KPNA6: variants seen among roughly 807,000 people sequenced by gnomAD.
KPNA6 encodes importin subunit alpha-7.
KPNA6 carries 9 observed loss-of-function variants against 72.0 expected under a neutral mutation model. The ratio of observed to expected loss-of-function variants is 0.13; its 90% confidence interval spans 0.08 to 0.22. The LOEUF is 0.22. Among genes scored for constraint, KPNA6 ranks in the 10% least tolerant of loss-of-function variants. The pLI is 1.00. For missense variants in KPNA6, 374 were observed against 655.7 expected, an observed-to-expected ratio of 0.57 and a Z score of 4.69; for synonymous variants, 219 against 242.1, an observed-to-expected ratio of 0.90 and a Z score of 0.89.
Position 32,156,973 on chromosome 1 carries a change from G to T in KPNA6, c.231+28G>T. The T allele has an allele frequency of 1.9e-6, 3 of 1,541,338 alleles. No homozygotes were observed. The South Asian group carries it at 3.4e-5, about 18-fold the overall frequency. On this transcript the variant is annotated intron_variant, in intron 3 of 13. Transcript: ENST00000373625. ...AAGGCCCCTGCATGTGCCTCAGGCTGACCTGGAAAACACCTGCTTCTAAGG... is the reference window on the plus strand; with the variant it reads ...AAGGCCCCTGCATGTGCCTCAGGCTTACCTGGAAAACACCTGCTTCTAAGG...
At chr1:32,124,626 C>T (rs140666439) in intron 1 of KPNA6, among the ~76,000 whole-genome samples, 17 of 151,776 alleles carry the variant, frequency 1.1e-4, no homozygotes, top group Non-Finnish European at 2.2e-4. Flanking sequence ...CCTGCCTCAA[C>T]CTCCTGAGTA....
chr1:32,152,438 C>T (rs144721009), intron 1 of KPNA6, among the ~76,000 whole-genome samples: 154 of 152,328 alleles, frequency 1.0e-3, no homozygotes, highest in African/African-American at 3.5e-3. Context: ...CTCAAGCACA[C>T]ATGGGACACT....
At chr1:32,153,837 TA>T (rs1642084607) in intron 1 of KPNA6, among the ~76,000 whole-genome samples, 1 of 152,114 alleles carries the variant, frequency 6.6e-6, no homozygotes, top group Non-Finnish European at 1.5e-5. Flanking sequence ...TACAACTGAG[TA>T]ATTCACTGCT....
intron 1 of KPNA6, among the ~76,000 whole-genome samples, chr1:32,130,788 T>C (rs748264978): frequency 2.0e-4 from 30 of 151,496 alleles, no homozygotes; most frequent in African/African-American, 6.5e-4. Flanking sequence ...GTCACAGGCA[T>C]CTCAAAGAAG....
chr1:32,131,167 G>A (rs150267518), intron 1 of KPNA6, among the ~76,000 whole-genome samples: 105 of 152,236 alleles, frequency 6.9e-4, no homozygotes, highest in East Asian at 6.8e-3. Context: ...GGTGGCGGGC[G>A]TCTGTAATCC....
At chr1:32,127,431 C>CT (rs1413147682) in intron 1 of KPNA6, among the ~76,000 whole-genome samples, 3 of 152,230 alleles carry the variant, frequency 2.0e-5, no homozygotes, top group African/African-American at 7.2e-5. Flanking sequence ...CCTCCTAAAT[C>CT]TAACTCCCTC....
intron 4 of KPNA6, among the ~76,000 whole-genome samples, chr1:32,157,993 TA>T (rs1417610266): frequency 6.6e-6 from 1 of 152,206 alleles, no homozygotes; most frequent in African/African-American, 2.4e-5. Flanking sequence ...GTTCATCCCT[TA>T]GGTGGTTCTC....
intron 1 of KPNA6, among the ~76,000 whole-genome samples, chr1:32,111,617 G>A (rs1040846389): frequency 6.6e-6 from 1 of 152,128 alleles, no homozygotes; most frequent in African/African-American, 2.4e-5. Context: ...GAGAAGATTA[G>A]GTGACTAGTC....
At chr1:32,153,247 C>T (rs1161886545) in intron 1 of KPNA6, among the ~76,000 whole-genome samples, 3 of 151,802 alleles carry the variant, frequency 2.0e-5, no homozygotes, top group Non-Finnish European at 4.4e-5. Context: ...GAAGAAAGTA[C>T]ACAGTCACAG....
chr1:32,167,134 C>T (rs751861032), intron 11 of KPNA6, 35 bp from the exon 12 acceptor site: 3 of 1,606,382 alleles, frequency 1.9e-6, no homozygotes, highest in Non-Finnish European at 2.6e-6. Flanking sequence ...AAATGACTTT[C>T]TCCTTCCATC....
intron 7 of KPNA6, 29 bp from the exon 8 acceptor site, chr1:32,161,918 T>C (rs1428691675): frequency 1.3e-6 from 2 of 1,576,632 alleles, no homozygotes. Context: ...GCCTCAGTGC[T>C]CAGGATCTGG....
In KPNA6 at chr1:32,129,942, A is replaced by G. The variant is rs1242586812; in HGVS notation, c.4+21808A>G. Among the ~76,000 whole-genome samples the G allele has an allele frequency of 5.3e-5, 8 of 150,346 alleles. No individual in the cohort carries two copies. The East Asian group carries it at 1.4e-3, about 27-fold the overall frequency. ...GTATGCTGTCAAATAAGGAATATGT[A>G]GTGCTGGAAACATTGGCTGTCATGG... On this transcript the variant is annotated intron_variant, in intron 1 of 13. Coordinates refer to ENST00000373625, the MANE Select transcript of KPNA6 (RefSeq NM_012316.5).
chr1:32,156,584 TCAA>T (rs1397004239), intron 2 of KPNA6, among the ~76,000 whole-genome samples: 6 of 152,194 alleles, frequency 3.9e-5, no homozygotes. Flanking sequence ...GCGTGAAACT[TCAA>T]CACTACTCAG....
At chr1:32,133,131 C>T (rs1237543171) in intron 1 of KPNA6, among the ~76,000 whole-genome samples, 1 of 151,798 alleles carries the variant, frequency 6.6e-6, no homozygotes, top group Non-Finnish European at 1.5e-5. Context: ...ATCACTTGAG[C>T]CCAGGAATTT....
intron 5 of KPNA6, among the ~76,000 whole-genome samples, chr1:32,158,890 A>T (rs1642190014): frequency 6.6e-6 from 1 of 152,244 alleles, no homozygotes; most frequent in East Asian, 1.9e-4. Context: ...TCATTCAGTT[A>T]TAAATCAGAG....
chr1:32,133,796 T>C (rs1355793912), intron 1 of KPNA6, among the ~76,000 whole-genome samples: 1 of 152,160 alleles, frequency 6.6e-6, no homozygotes, highest in Non-Finnish European at 1.5e-5. Flanking sequence ...ATCCCAGCAC[T>C]TTGGAGGCCG....
intron 1 of KPNA6, among the ~76,000 whole-genome samples, chr1:32,117,780 A>AGG (rs1641354173): frequency 3.9e-5 from 6 of 152,092 alleles, no homozygotes; most frequent in African/African-American, 1.4e-4. Flanking sequence ...ACTTGGGCAA[A>AGG]TTCATAGCTA....
chr1:32,170,898 C>T lies in KPNA6; in HGVS notation c.*4C>T, dbSNP rs1200004292. ...CATGGAGGGCTTCCAGCTATAATAT[C>T]TGCCTCCAGGGAGGGGAGGGGATGG... On this transcript the variant is annotated 3_prime_UTR_variant, in exon 14 of 14. Coordinates refer to ENST00000373625, the MANE Select transcript of KPNA6 (RefSeq NM_012316.5). The T allele has an allele frequency of 1.2e-6, 2 of 1,613,662 alleles. No individual in the cohort carries two copies. Among genetic ancestry groups the T allele is most frequent in the Admixed American group, 3.3e-5 (2 of 60,030 alleles).
In KPNA6 at chr1:32,173,383, C is replaced by T; in HGVS notation, c.*2489C>T. ...TTTGGCTTCAGCTCCGGGTCCTGTA[C>T]CAGATGGAAAATGTTTTTGGTGATC... On this transcript the variant is annotated 3_prime_UTR_variant, in exon 14 of 14. Transcript: ENST00000373625. The T allele has an allele frequency of 3.0e-6, 1 of 331,110 alleles. No individual in the cohort carries two copies. Among genetic ancestry groups the T allele is most frequent in the East Asian group, 4.5e-5 (1 of 22,174 alleles). The allele number at this position is 331,110 out of a possible 1,614,324, so 20.5% of individuals were successfully genotyped here.
Sources: allele counts gnomAD v4.1 joint callset (sites outside exome capture counted in the v4.1 genomes callset), GRCh38; gene constraint gnomAD v4.1.1; transcripts MANE v1.5; gene names NCBI Gene and HGNC (gene_info 2026-07-23, HGNC 2026-07-21).